The following NBR1 variants were observed in gnomAD, a reference collection of about 807,000 sequenced individuals.
The protein encoded by NBR1 is NBR1 autophagy cargo receptor.
A neutral mutation model predicts 115.5 loss-of-function variants in NBR1; 59 were observed. The observed-to-expected ratio is 0.51, with a 90% CI of 0.41 to 0.63. The LOEUF is 0.63. Ranked by LOEUF, NBR1 falls within the 30% of genes least tolerant of loss-of-function variation. NBR1 has a pLI of 0.00. For missense variants in NBR1, 1,043 were observed against 1,150.5 expected (o/e 0.91, Z 1.35); for synonymous variants, 373 against 414.7 (o/e 0.90, Z 1.22).
chr17:43,177,840 G>T, intron 2 of NBR1, 96 bp from the exon 3 acceptor site: 1 of 1,108,584 alleles, frequency 9.0e-7, no homozygotes. Flanking sequence ...GGGTTATTAA[G>T]GTTGTTTGTT....
chr17:43,177,648 T>C (rs1425394223), intron 2 of NBR1, among the ~76,000 whole-genome samples: 1 of 150,768 alleles, frequency 6.6e-6, no homozygotes, highest in Non-Finnish European at 1.5e-5. Context: ...AGATGTCATC[T>C]CATTGCTTCA....
chr17:43,194,825 T>C (rs1264335517), intron 13 of NBR1, 139 bp from the exon 14 acceptor site: 4 of 678,654 alleles, frequency 5.9e-6, no homozygotes, highest in African/African-American at 5.5e-5. Flanking sequence ...ATTTAACTCT[T>C]CTTGTTTTCA....
rs1028414340 is a variant in NBR1 at position 43,200,686 on chromosome 17, T to C, written c.2468+78T>C. 6 of 1,313,038 alleles carry C rather than the reference T, an allele frequency of 4.6e-6. No individual in the cohort carries two copies. The African/African-American group carries it at 7.4e-5, about 16-fold the overall frequency. The allele number at this position is 1,313,038 out of a possible 1,614,324, so 81.3% of individuals were successfully genotyped here. On this transcript the variant is annotated intron_variant, in intron 17 of 20. Coordinates refer to ENST00000590996, the MANE Select transcript of NBR1 (RefSeq NM_005899.5). Reference sequence around the variant, plus strand: ...GAGGAATCGACCTGATCTCAAAACCTGTTTTTTCCTCAGTATGGAAAGAGA... The same window carrying C: ...GAGGAATCGACCTGATCTCAAAACCCGTTTTTTCCTCAGTATGGAAAGAGA...
chr17:43,208,472 A>G (rs1242809524), intron 20 of NBR1, among the ~76,000 whole-genome samples: 1 of 152,234 alleles, frequency 6.6e-6, no homozygotes. Context: ...ATGTTTGCAT[A>G]CTGTTCTCAT....
intron 1 of NBR1, among the ~76,000 whole-genome samples, chr17:43,173,935 A>AT (rs1567842407): frequency 6.7e-6 from 1 of 149,964 alleles, no homozygotes; most frequent in Non-Finnish European, 1.5e-5. Flanking sequence ...AACCTAAGCT[A>AT]TTTTTTCATA....
At chr17:43,209,365 C>T (rs1380969559) in intron 20 of NBR1, among the ~76,000 whole-genome samples, 7 of 152,022 alleles carry the variant, frequency 4.6e-5, no homozygotes, top group African/African-American at 1.7e-4. Context: ...TGTGAGCCAC[C>T]GCACCCAGCC....
At chr17:43,185,003 C>T (rs1482830110) in intron 5 of NBR1, among the ~76,000 whole-genome samples, 6 of 151,320 alleles carry the variant, frequency 4.0e-5, no homozygotes, top group Non-Finnish European at 7.4e-5. Flanking sequence ...GCAGGAGAAT[C>T]GCTTGAACCC....
At chr17:43,206,475 G>A (rs2057320512) in intron 20 of NBR1, among the ~76,000 whole-genome samples, 1 of 151,674 alleles carries the variant, frequency 6.6e-6, no homozygotes, top group African/African-American at 2.4e-5. Flanking sequence ...GGCCAATATG[G>A]TGAAACCACA....
chr17:43,189,131 G>A lies in NBR1; in HGVS notation c.480+12G>A. ...GCTACCTGGAGACGGTGAGTGTTCT[G>A]TCTCGCTTGGGTTTTAACTGCGGTG... On this transcript the variant is annotated intron_variant, in intron 7 of 20. Transcript: ENST00000590996. 6.3e-7 allele frequency: 1 copy of A among 1,594,086 alleles called. No individual in the cohort carries two copies. Among genetic ancestry groups the A allele is most frequent in the Non-Finnish European group, 8.6e-7 (1 of 1,161,834 alleles).
Position 43,193,204 on chromosome 17 carries a change from A to G in NBR1, c.1184A>G (p.His395Arg). 2 of 1,614,010 alleles carry G rather than the reference A, an allele frequency of 1.2e-6. No individual in the cohort carries two copies. The highest frequency in any genetic ancestry group is 2.2e-5 in the East Asian group (1 of 44,888). The change falls in exon 11 of 21, where the codon CAC (histidine) becomes CGC (arginine). Residue 395 changes from histidine (H) to arginine (R), a missense_variant. Transcript: ENST00000590996. ...HLQPGTKFIK[H>R]WRMKNTGNVK... Reference sequence around the variant, plus strand: ...CAGCCAGGAACCAAGTTTATCAAACACTGGAGGATGAAAAATACAGGAAAT... The same window carrying G: ...CAGCCAGGAACCAAGTTTATCAAACGCTGGAGGATGAAAAATACAGGAAAT...
In NBR1 at chr17:43,193,480, A is replaced by G. The variant is rs1031934873; in HGVS notation, c.1366A>G (p.Thr456Ala). The G allele has an allele frequency of 1.9e-6, 3 of 1,613,766 alleles. No homozygotes were observed. The highest frequency in any genetic ancestry group is 2.5e-6 in the Non-Finnish European group (3 of 1,179,886). The change falls in exon 12 of 21, where the codon ACT becomes GCT. Residue 456 changes from threonine to alanine, a missense_variant. Thr to Ala is a moderately conservative substitution (Grantham distance 58, BLOSUM62 0). Transcript: ENST00000590996. ...FIAPALEGTY[T>A]SHWRLSHKGQ... ...TGCCCCAGCCTTGGAGGGAACGTATACTTCCCATTGGCGTCTTTCTCACAA... is the reference window on the plus strand; with the variant it reads ...TGCCCCAGCCTTGGAGGGAACGTATGCTTCCCATTGGCGTCTTTCTCACAA...
intron 5 of NBR1, among the ~76,000 whole-genome samples, chr17:43,183,173 G>A (rs2056716154): frequency 6.6e-6 from 1 of 151,388 alleles, no homozygotes; most frequent in Non-Finnish European, 1.5e-5. Flanking sequence ...GATTAGAGGT[G>A]TGAGCCATCA....
rs527862921 is a variant in NBR1 at position 43,204,792 on chromosome 17, C to T, written c.2727+1006C>T. Among the ~76,000 whole-genome samples the T allele has an allele frequency of 1.6e-3, 199 of 125,906 alleles. 3 individuals carry two copies. The highest frequency in any genetic ancestry group is 9.3e-3 in the Middle Eastern group (2 of 216). 82.6% of individuals were successfully genotyped at this position (125,906 alleles called of 152,430 possible). A position where few individuals can be genotyped will look rare whatever the true frequency, so the allele number is the denominator to read the frequency against. The stretch of plus-strand genomic sequence containing the variant: ...ATGGCACCACAGCACTCCAGCCTGG[C>T]GACAGAACAAGACTCCATCTTAAAA... On this transcript the variant is annotated intron_variant, in intron 20 of 20. Transcript: ENST00000590996.
At chr17:43,175,564 T>A (rs955832438) in intron 1 of NBR1, among the ~76,000 whole-genome samples, 4 of 152,220 alleles carry the variant, frequency 2.6e-5, no homozygotes, top group Non-Finnish European at 4.4e-5. Flanking sequence ...AGTACAAGTC[T>A]TTATGGCATG....
Position 43,211,579 on chromosome 17 carries a change from G to A in NBR1, c.*1505G>A, listed in dbSNP as rs573068443. 15 of 152,494 alleles carry A rather than the reference G, an allele frequency of 9.8e-5. No individual in the cohort carries two copies. In the South Asian group the frequency reaches 3.1e-3, roughly 32 times the overall value. 9.4% of individuals were successfully genotyped at this position (152,494 alleles called of 1,614,324 possible). Reference sequence around the variant, plus strand: ...ATGGGTGGGACCTGTCTTGACCATCGGAGTTTTATAATCGAGGGCCAGGAG... The same window carrying A: ...ATGGGTGGGACCTGTCTTGACCATCAGAGTTTTATAATCGAGGGCCAGGAG... On this transcript the variant is annotated 3_prime_UTR_variant, in exon 21 of 21. Coordinates refer to ENST00000590996, the MANE Select transcript of NBR1 (RefSeq NM_005899.5).
Position 43,194,344 on chromosome 17 carries a change from C to G in NBR1, c.1525-6C>G, listed in dbSNP as rs1342801387. 1.9e-6 allele frequency: 3 copies of G among 1,611,326 alleles called. No individual in the cohort carries two copies. Among genetic ancestry groups the G allele is most frequent in the East Asian group, 2.2e-5 (1 of 44,830 alleles). ...TAAAATTTGTCTCAATGGTTTGTCT[C>G]TATAGGAAACTTTTCTTCTGGCTAA... On this transcript the variant is annotated splice_region_variant and splice_polypyrimidine_tract_variant and intron_variant, in intron 12 of 20. Transcript: ENST00000590996.
intron 19 of NBR1, 131 bp downstream of exon 19, chr17:43,202,843 T>G: frequency 1.5e-6 from 1 of 687,124 alleles, no homozygotes; most frequent in East Asian, 2.7e-5. Flanking sequence ...TTCCGTCTTA[T>G]TCTTGTTTCT....
At chr17:43,200,056 C>T in intron 16 of NBR1, 111 bp from the exon 17 acceptor site, 2 of 874,058 alleles carry the variant, frequency 2.3e-6, no homozygotes, top group Non-Finnish European at 1.7e-6. Flanking sequence ...TCTTCCCTCT[C>T]CTCTGGCTTT....
rs551065442 is a variant in NBR1 at position 43,204,028 on chromosome 17, C to T, written c.2727+242C>T. ...TCTCGGCTCACTGCAAGCTCCACCT[C>T]CTGGGTTCACACCATTCTCCTGACT... On this transcript the variant is annotated intron_variant, in intron 20 of 20. Coordinates refer to ENST00000590996, the MANE Select transcript of NBR1 (RefSeq NM_005899.5). 2.0e-5 allele frequency among the ~76,000 whole-genome samples: 3 copies of T among 151,950 alleles called. No homozygotes were observed. In the South Asian group the frequency reaches 6.2e-4, roughly 32 times the overall value.
Sources: allele counts gnomAD v4.1 joint callset (sites outside exome capture counted in the v4.1 genomes callset), GRCh38; gene constraint gnomAD v4.1.1; transcripts MANE v1.5; gene names NCBI Gene and HGNC (gene_info 2026-07-23, HGNC 2026-07-21).